AFAP1L1: variants seen among roughly 807,000 people sequenced by gnomAD.
The protein encoded by AFAP1L1 is actin filament associated protein 1 like 1.
In AFAP1L1, 77 loss-of-function variants were observed where a neutral mutation model predicts 99.8. The ratio of observed to expected loss-of-function variants is 0.77; its 90% CI spans 0.64 to 0.93. The LOEUF (loss-of-function observed/expected upper bound fraction) is 0.93. AFAP1L1 is among the 40% of genes least tolerant of loss of function. The pLI, the probability that AFAP1L1 is intolerant of heterozygous loss-of-function variation, is 0.00. For missense variants in AFAP1L1, 893 were observed against 996.8 expected (o/e 0.90, Z 1.40); for synonymous variants, 373 against 395.3 (o/e 0.94, Z 0.67).
chr5:149,316,245 G>T lies in AFAP1L1; in HGVS notation c.1209G>T (p.Lys403Asn). The T allele has an allele frequency of 3.1e-6, 5 of 1,614,116 alleles. No homozygotes were observed. Among genetic ancestry groups the T allele is most frequent in the Non-Finnish European group, 2.5e-6 (3 of 1,180,012 alleles). The change falls in exon 11 of 19, where the codon AAG becomes AAT. Residue 403 changes from lysine to asparagine, a missense_variant. Transcript: ENST00000296721. ...KITRIIGFSK[K>N]KTLADDLQTS... The stretch of plus-strand genomic sequence containing the variant: ...CCCGTATCATTGGCTTCTCCAAGAA[G>T]AAGACACTGGCCGATGACCTGCAGA...
chr5:149,309,537 T>C (rs1334102026), intron 7 of AFAP1L1, among the ~76,000 whole-genome samples: 2 of 152,106 alleles, frequency 1.3e-5, no homozygotes, highest in Admixed American at 6.6e-5. Flanking sequence ...ATTAAAAAAA[T>C]GGGGAAGTGA....
chr5:149,282,288 G>A lies in AFAP1L1; in HGVS notation c.16+10304G>A, dbSNP rs557688455. Among the ~76,000 whole-genome samples the A allele has an allele frequency of 7.9e-5, 12 of 152,340 alleles. No homozygotes were observed. In the South Asian group the frequency reaches 2.5e-3, roughly 32 times the overall value. Reference sequence around the variant, plus strand: ...TTTATAGCCCTCTAAGAACCTAGAGGAAAACTGATCTCCTGAGAGAGAGAA... The same window carrying A: ...TTTATAGCCCTCTAAGAACCTAGAGAAAAACTGATCTCCTGAGAGAGAGAA... On this transcript the variant is annotated intron_variant, in intron 1 of 18. Transcript: ENST00000296721.
chr5:149,279,772 T>C (rs1581285485), intron 1 of AFAP1L1, among the ~76,000 whole-genome samples: 1 of 151,900 alleles, frequency 6.6e-6, no homozygotes, highest in African/African-American at 2.4e-5. Context: ...CTGGCCCTGC[T>C]CCTTGCAGCT....
chr5:149,319,662 G>A lies in AFAP1L1; in HGVS notation c.1560G>A (p.Leu520=), dbSNP rs779051422. Residue 520 remains leucine, a synonymous_variant, in exon 13 of 19, where the codon CTG becomes CTA. Coordinates refer to ENST00000296721, the MANE Select transcript of AFAP1L1 (RefSeq NM_152406.4). The stretch of plus-strand genomic sequence containing the variant: ...GCTCCAGAGTCACTCCGGAGGCGCT[G>A]CACTATGACTACGTGGATGTGGAGA... The part of the protein sequence containing the change: ...EMGSRVTPEA[L]HYDYVDVETL... The A allele has an allele frequency of 1.4e-5, 22 of 1,612,872 alleles. No homozygotes were observed. In the South Asian group the frequency reaches 2.4e-4, roughly 18 times the overall value.
chr5:149,302,439 C>T lies in AFAP1L1; in HGVS notation c.349C>T (p.Leu117Phe), dbSNP rs577708011. Residue 117 changes from leucine to phenylalanine, a missense_variant, in exon 5 of 19, where the codon CTC becomes TTC. Physicochemically the swap from Leu to Phe is conservative, Grantham distance 22. Coordinates refer to ENST00000296721, the MANE Select transcript of AFAP1L1 (RefSeq NM_152406.4). Reference sequence around the variant, plus strand: ...GCAGGCGGCCGACCTGCCTCCACCGCTCCCCAACAAGCCTCCCCCTGAGGA... The same window carrying T: ...GCAGGCGGCCGACCTGCCTCCACCGTTCCCCAACAAGCCTCCCCCTGAGGA... ...LRNAADLPPPLPNKPPPEDYY... is the reference protein window; with the variant it reads ...LRNAADLPPPFPNKPPPEDYY... 2 of 1,591,894 alleles carry T rather than the reference C, an allele frequency of 1.3e-6. No individual in the cohort carries two copies. The highest frequency in any genetic ancestry group is 1.3e-5 in the African/African-American group (1 of 74,692).
chr5:149,316,341 C>A, intron 11 of AFAP1L1, 38 bp downstream of exon 11: 1 of 1,598,322 alleles, frequency 6.3e-7, no homozygotes, highest in Non-Finnish European at 8.5e-7. Flanking sequence ...TGCTCAGGTC[C>A]TGTGTGCGCG....
chr5:149,277,957 C>T (rs1003361631), intron 1 of AFAP1L1, among the ~76,000 whole-genome samples: 1 of 152,154 alleles, frequency 6.6e-6, no homozygotes, highest in African/African-American at 2.4e-5. Flanking sequence ...TGTTTGGCTT[C>T]TCCATTTTTG....
chr5:149,326,004 A>G (rs1757084073), intron 15 of AFAP1L1, among the ~76,000 whole-genome samples: 1 of 152,172 alleles, frequency 6.6e-6, no homozygotes, highest in Admixed American at 6.5e-5. Flanking sequence ...AGCACAGGCC[A>G]TTGTTCCCAC....
At position 149,320,503 on chromosome 5, in the gene AFAP1L1, C is replaced by T; in HGVS notation, c.1698+40C>T. 1 of 1,560,618 alleles carries T rather than the reference C, an allele frequency of 6.4e-7. No homozygotes were observed. Among genetic ancestry groups the T allele is most frequent in the Non-Finnish European group, 8.8e-7 (1 of 1,131,728 alleles). The stretch of plus-strand genomic sequence containing the variant: ...GGCTGCCCAGGAATGTGGCAAAGGC[C>T]ACTTATTAGCTCTCCCTCTTTCTGC... On this transcript the variant is annotated intron_variant, in intron 14 of 18. Transcript: ENST00000296721. This position sits in a 1 kb window ranked among gnomAD's most constrained non-coding sequence, Gnocchi z 4.0.
At chr5:149,289,493 G>A (rs983385479) in intron 1 of AFAP1L1, among the ~76,000 whole-genome samples, 7 of 151,622 alleles carry the variant, frequency 4.6e-5, no homozygotes, top group African/African-American at 1.5e-4. Flanking sequence ...TTTCCAGCCC[G>A]CATGTACAGT....
rs550306094 is a variant in AFAP1L1 at position 149,307,980 on chromosome 5, A to AC, written c.747+371dup. On this transcript the variant is annotated intron_variant, in intron 7 of 18. Coordinates refer to ENST00000296721, the MANE Select transcript of AFAP1L1 (RefSeq NM_152406.4). ...AGACCAGCCTGGCCAACATGGTGAA[A>AC]CCCCATCTCTACTAAAAATACAAAA... is the stretch of plus-strand genomic sequence containing the variant. Among the ~76,000 whole-genome samples the AC allele has an allele frequency of 6.7e-4, 102 of 152,026 alleles. 1 individual carries two copies. The highest frequency in any genetic ancestry group is 1.4e-3 in the Non-Finnish European group (94 of 67,982).
intron 1 of AFAP1L1, among the ~76,000 whole-genome samples, chr5:149,273,061 G>T (rs1755185207): frequency 2.6e-5 from 4 of 151,756 alleles, no homozygotes; most frequent in Admixed American, 2.6e-4. Context: ...ATGGGCATGT[G>T]TGTGTCTGTA....
chr5:149,296,911 G>GA (rs1756037064), intron 1 of AFAP1L1, among the ~76,000 whole-genome samples: 1 of 152,122 alleles, frequency 6.6e-6, no homozygotes, highest in African/African-American at 2.4e-5. Flanking sequence ...GCAACAAGGA[G>GA]AGATGCCAAG....
intron 1 of AFAP1L1, among the ~76,000 whole-genome samples, chr5:149,273,417 C>G (rs1383642371): frequency 6.6e-6 from 1 of 151,914 alleles, no homozygotes; most frequent in African/African-American, 2.4e-5. Context: ...CTCCCTTACT[C>G]CTGTTAAACG....
rs1404813880 is a variant in AFAP1L1, at chr5:149,343,412, GTC to G, written c.*3384_*3385del. Among the ~76,000 whole-genome samples the G allele has an allele frequency of 6.6e-6, 1 of 151,950 alleles. No individual in the cohort carries two copies. The highest frequency in any genetic ancestry group is 2.1e-4 in the South Asian group (1 of 4,826). ...CCCCAGTCACCAATCCATCCTCTCA[GTC>G]TGTCAGCTTTCCATCCTAAATCTCT... On this transcript the variant is annotated 3_prime_UTR_variant, in exon 19 of 19. Coordinates refer to ENST00000296721, the MANE Select transcript of AFAP1L1 (RefSeq NM_152406.4).
rs1462908804 is a variant in AFAP1L1, at chr5:149,310,038, G to A, written c.830G>A (p.Ser277Asn). 2 of 1,614,140 alleles carry A rather than the reference G, an allele frequency of 1.2e-6. No individual in the cohort carries two copies. Among genetic ancestry groups the A allele is most frequent in the Non-Finnish European group, 1.7e-6 (2 of 1,180,052 alleles). The stretch of plus-strand genomic sequence containing the variant: ...AGCATCATCTACGTGCCCAAGGACA[G>A]CCGGCACAAGAGGCACGAGCTGCGT... ...TCSIIYVPKD[S>N]RHKRHELRFT... Residue 277 changes from serine (S) to asparagine (N), a missense_variant, in exon 8 of 19, where the codon AGC (serine) becomes AAC (asparagine). Physicochemically the swap from Ser to Asn is conservative, Grantham distance 46. Transcript: ENST00000296721.
chr5:149,335,632 AC>A lies in AFAP1L1; in HGVS notation c.2195del (p.Pro732LeufsTer10). 6.2e-7 allele frequency: 1 copy of A among 1,612,926 alleles called. No individual in the cohort carries two copies. The highest frequency in any genetic ancestry group is 8.5e-7 in the Non-Finnish European group (1 of 1,179,994). ...AACCCCAGAACAGCGTTCCAGAGCA[AC>A]CTCTCCCTGTCAACTGTGTTTCTGA... ...NKPQNSVPEQ[P>X]LPVNCVSELR... On this transcript the variant is annotated frameshift_variant, in exon 18 of 19. Coordinates refer to ENST00000296721, the MANE Select transcript of AFAP1L1 (RefSeq NM_152406.4). LOFTEE classifies it high-confidence loss of function.
Position 149,316,258 on chromosome 5 carries a change from G to T in AFAP1L1, c.1222G>T (p.Asp408Tyr), listed in dbSNP as rs150469518. Residue 408 changes from aspartate to tyrosine, a missense_variant, in exon 11 of 19, where the codon GAT becomes TAT. Transcript: ENST00000296721. ...CTTCTCCAAGAAGAAGACACTGGCC[G>T]ATGACCTGCAGACGTCCTCCACCGA... is the stretch of plus-strand genomic sequence containing the variant. ...IGFSKKKTLA[D>Y]DLQTSSTEEE... is the part of the protein sequence containing the mutation. 1 of 1,614,068 alleles carries T rather than the reference G, an allele frequency of 6.2e-7. No individual in the cohort carries two copies.
At chr5:149,335,530 A>G in intron 17 of AFAP1L1, 64 bp from the exon 18 acceptor site, 2 of 1,547,268 alleles carry the variant, frequency 1.3e-6, no homozygotes, top group African/African-American at 2.8e-5. Context: ...TTTTGAGGGC[A>G]GGCTGGGTGT....
Sources: gnomAD v4.1 joint callset for allele counts (sites outside exome capture counted in the v4.1 genomes callset) on GRCh38, gnomAD v4.1.1 for gene constraint, Gnocchi (gnomAD v3.1) non-coding constraint, MANE v1.5 for transcripts, NCBI Gene and HGNC (gene_info 2026-07-23, HGNC 2026-07-21) for gene names.